The following FBXL2 variants were observed in gnomAD, a reference collection of about 807,000 sequenced individuals.
FBXL2 encodes F-box and leucine rich repeat protein 2, also known as F-box/LRR-repeat protein 2.
A neutral mutation model predicts 69.2 loss-of-function variants in FBXL2; 38 were observed. The observed-to-expected ratio is 0.55, with a 90% CI of 0.42 to 0.72. The LOEUF (loss-of-function observed/expected upper bound fraction) is 0.72. Ranked by LOEUF, FBXL2 falls within the 30% of genes least tolerant of loss-of-function variation. The pLI is 0.00. For synonymous variants in FBXL2, 192 were observed against 201.3 expected (o/e 0.95, Z 0.39); for missense variants, 354 against 520.3 (o/e 0.68, Z 3.11).
the FBXL2 span, among the ~76,000 whole-genome samples, chr3:33,413,546 C>CAA: frequency 3.1e-3 from 169 of 55,234 alleles, 1 homozygote; most frequent in African/African-American, 7.2e-3. Flanking sequence ...GACTCCATCA[C>CAA]AAAAAAAAAA....
At chr3:33,382,127 G>A (rs1458776143) in intron 13 of FBXL2, among the ~76,000 whole-genome samples, 1 of 152,108 alleles carries the variant, frequency 6.6e-6, no homozygotes, top group African/African-American at 2.4e-5. Context: ...GGTCTCCTCT[G>A]CCAGGACTTG....
At chr3:33,376,687 G>T (rs1010459535) in intron 10 of FBXL2, among the ~76,000 whole-genome samples, 2 of 152,102 alleles carry the variant, frequency 1.3e-5, no homozygotes, top group Non-Finnish European at 2.9e-5. Flanking sequence ...GTTGAGAAAA[G>T]TTCATTTTAA....
chr3:33,386,900 C>T lies in FBXL2; in HGVS notation c.*1292C>T, dbSNP rs1016634270. On this transcript the variant is annotated 3_prime_UTR_variant, in exon 15 of 15. Coordinates refer to ENST00000484457, the MANE Select transcript of FBXL2 (RefSeq NM_012157.5). ...ACTCCCCCAAACTGAAGGGCCAGAG[C>T]TCATGAGAAACTTAAAAGTGAAACG... is the stretch of plus-strand genomic sequence containing the variant. 4 of 152,114 alleles carry T rather than the reference C, an allele frequency of 2.6e-5. No homozygotes were observed. The highest frequency in any genetic ancestry group is 5.9e-5 in the Non-Finnish European group (4 of 68,026). 9.4% of individuals were successfully genotyped at this position (152,114 alleles called of 1,614,324 possible).
At chr3:33,398,442 G>C (rs2044092605) in intron 12 of FBXL2, 1 of 152,226 alleles carries the variant, frequency 6.6e-6, no homozygotes, top group Admixed American at 6.5e-5. Flanking sequence ...GTTGTGACCA[G>C]AGAGTACTGT....
At chr3:33,383,747 A>G (rs1472567905) in intron 13 of FBXL2, 1 of 491,908 alleles carries the variant, frequency 2.0e-6, no homozygotes, top group African/African-American at 1.9e-5. Flanking sequence ...TTTGGTCCTC[A>G]CTGCCTGATT....
intron 4 of FBXL2, among the ~76,000 whole-genome samples, chr3:33,364,126 T>A (rs942913027): frequency 1.3e-5 from 2 of 152,238 alleles, no homozygotes; most frequent in Non-Finnish European, 2.9e-5. Context: ...CAAATGTGTT[T>A]AAGCAGAGGA....
rs141209996 is a variant in FBXL2 at position 33,287,490 on chromosome 3, A to T, written c.3+9975A>T. ...ATTTAATTTTATTTATTTATTTATT[A>T]ATTTTTCTGGAGACAGGGCCTCGTT... On this transcript the variant is annotated intron_variant, in intron 1 of 14. Transcript: ENST00000484457. Among the ~76,000 whole-genome samples, 588 of 152,102 alleles carry T rather than the reference A, an allele frequency of 3.9e-3. 5 individuals are homozygous for T. The highest frequency in any genetic ancestry group is 0.031 in the Middle Eastern group (9 of 292).
At chr3:33,412,840 T>C in the FBXL2 span, 3 of 1,577,442 alleles carry the variant, frequency 1.9e-6, no homozygotes, top group Non-Finnish European at 2.6e-6. Flanking sequence ...GTGGAATAAG[T>C]GCGGAAAATG....
intron 1 of FBXL2, among the ~76,000 whole-genome samples, chr3:33,281,636 G>GT (rs1292239865): frequency 6.6e-6 from 1 of 152,154 alleles, no homozygotes; most frequent in East Asian, 1.9e-4. Context: ...TTCCACAATG[G>GT]TTGAACTAGT....
rs562637712 is a variant in FBXL2, at chr3:33,295,570, G to A, written c.4-2094G>A. On this transcript the variant is annotated intron_variant, in intron 1 of 14. Coordinates refer to ENST00000484457, the MANE Select transcript of FBXL2 (RefSeq NM_012157.5). ...ACATTCATGGACAAGTTTTTGTATG[G>A]ACATATATTTTCATTTCTCTTTAGT... Among the ~76,000 whole-genome samples, 16 of 152,260 alleles carry A rather than the reference G, an allele frequency of 1.1e-4. 1 individual carries two copies. The South Asian group carries it at 3.1e-3, about 30-fold the overall frequency.
At chr3:33,279,142 T>C (rs748450367) in intron 1 of FBXL2, among the ~76,000 whole-genome samples, 8 of 152,226 alleles carry the variant, frequency 5.3e-5, no homozygotes, top group Non-Finnish European at 1.2e-4. Context: ...TCTTTAAGCA[T>C]TAAGAATTTA....
intron 2 of FBXL2, among the ~76,000 whole-genome samples, chr3:33,335,554 TA>T (rs2039510523): frequency 2.6e-5 from 4 of 152,196 alleles, no homozygotes; most frequent in African/African-American, 9.6e-5. Context: ...AATAAAAATT[TA>T]GAAAGACAGG....
chr3:33,295,958 A>G (rs900027280), intron 1 of FBXL2, among the ~76,000 whole-genome samples: 2 of 152,162 alleles, frequency 1.3e-5, no homozygotes, highest in Admixed American at 1.3e-4. Context: ...TATAGTTTGC[A>G]TACAAGTGCC....
intron 13 of FBXL2, among the ~76,000 whole-genome samples, chr3:33,379,146 C>T (rs1057412763): frequency 6.6e-6 from 1 of 152,022 alleles, no homozygotes; most frequent in African/African-American, 2.4e-5. Context: ...GGATTACAAA[C>T]ATGCGCCACC....
intron 2 of FBXL2, among the ~76,000 whole-genome samples, chr3:33,342,449 A>G (rs77207840): frequency 0.014 from 2,149 of 151,632 alleles, 44 homozygotes; most frequent in East Asian, 0.081. Context: ...TTTCACTCTC[A>G]TAAGTCATTT....
downstream of FBXL2, chr3:33,390,357 C>G (rs1487316796): frequency 6.2e-7 from 1 of 1,614,134 alleles, no homozygotes; most frequent in South Asian, 1.1e-5. Context: ...TGGATGCCAT[C>G]ACTACTTTCA....
the FBXL2 span, chr3:33,408,670 G>A: frequency 3.8e-6 from 6 of 1,598,416 alleles, no homozygotes; most frequent in Non-Finnish European, 5.1e-6. Flanking sequence ...ACAATGAAAA[G>A]AGAAGCAGAA....
chr3:33,409,670 C>G, the FBXL2 span: 1 of 1,584,722 alleles, frequency 6.3e-7, no homozygotes. Flanking sequence ...TTTGTTCCCT[C>G]TTGAGTGACC....
chr3:33,285,108 G>A (rs552437992), intron 1 of FBXL2, among the ~76,000 whole-genome samples: 128 of 152,260 alleles, frequency 8.4e-4, no homozygotes, highest in African/African-American at 2.6e-3. Context: ...TATTTTGCTC[G>A]TTCGTTGATG....
Sources: allele counts gnomAD v4.1 joint callset (sites outside exome capture counted in the v4.1 genomes callset), GRCh38; gene constraint gnomAD v4.1.1; transcripts MANE v1.5; gene names NCBI Gene and HGNC (gene_info 2026-07-23, HGNC 2026-07-21).